VCAN: variants seen among roughly 807,000 people sequenced by gnomAD.
VCAN encodes the protein versican core protein.
In VCAN, 44 loss-of-function variants were observed where a neutral mutation model predicts 245.5. That is an observed-to-expected ratio of 0.18 (90% CI 0.14 to 0.23). VCAN has a LOEUF of 0.23. Ranked by LOEUF, VCAN falls within the 10% of genes least tolerant of loss-of-function variation. The pLI, the probability that VCAN is intolerant of heterozygous loss-of-function variation, is 1.00. For synonymous variants in VCAN, 1,413 were observed against 1,437.0 expected (o/e 0.98, Z 0.38); for missense variants, 3,793 against 4,057.9 (o/e 0.93, Z 1.77).
At chr5:83,565,390 GGTGTGT>G (rs6149088) in intron 12 of VCAN, among the ~76,000 whole-genome samples, 42,800 of 149,076 alleles carry the variant, frequency 0.29, 6,225 homozygotes, top group Admixed American at 0.4. Context: ...TATGTGTAAG[GGTGTGT>G]GTGTGTGTGT....
chr5:83,514,791 T>A lies in VCAN; in HGVS notation c.1042+2395T>A, dbSNP rs956845245. On this transcript the variant is annotated intron_variant, in intron 6 of 14. Transcript: ENST00000265077. ...TATTTTTAAAGAATTTGAAAAATAT[T>A]TTCAAAATGACTTAATTGATGTCCA... 2.6e-5 allele frequency among the ~76,000 whole-genome samples: 4 copies of A among 152,262 alleles called. No individual in the cohort carries two copies. In the East Asian group the frequency reaches 7.7e-4, roughly 29 times the overall value.
chr5:83,511,977 A>G, intron 5 of VCAN, 126 bp from the exon 6 acceptor site: 1 of 1,193,830 alleles, frequency 8.4e-7, no homozygotes, highest in Non-Finnish European at 1.2e-6. Context: ...TTAAAGTATC[A>G]GAAGCTGCTA....
In VCAN at chr5:83,545,633, G is replaced by A. The variant is rs944196924; in HGVS notation, c.9362G>A (p.Gly3121Glu). ...TGCACCTGTGTGCCAGGATACAGCG[G>A]AGACCAGTGTGAACTTGGTAAGATG... ...YVCTCVPGYS[G>E]DQCELDFDEC... Residue 3121 changes from glycine to glutamate, a missense_variant, in exon 9 of 15, where the codon GGA becomes GAA. Transcript: ENST00000265077. The A allele has an allele frequency of 2.5e-6, 4 of 1,614,092 alleles. No individual in the cohort carries two copies. Among genetic ancestry groups the A allele is most frequent in the African/African-American group, 1.3e-5 (1 of 75,058 alleles).
intron 5 of VCAN, among the ~76,000 whole-genome samples, chr5:83,511,573 T>C (rs73146700): frequency 8.6e-5 from 13 of 150,982 alleles, no homozygotes; most frequent in Non-Finnish European, 1.8e-4. Context: ...TTTTCTTATT[T>C]TTTTTTTTTT....
chr5:83,516,076 C>CA (rs1252085668), intron 6 of VCAN, among the ~76,000 whole-genome samples: 9 of 152,212 alleles, frequency 5.9e-5, no homozygotes, highest in African/African-American at 1.7e-4. Flanking sequence ...ACTAAAAATA[C>CA]AAAAAATTAG....
intron 12 of VCAN, among the ~76,000 whole-genome samples, chr5:83,566,597 G>T (rs772736426): frequency 2.0e-5 from 3 of 151,818 alleles, no homozygotes; most frequent in Non-Finnish European, 2.9e-5. Context: ...TTTTTTCCTG[G>T]TATGTTGACT....
At chr5:83,472,570 G>A (rs982535050) in intron 1 of VCAN, among the ~76,000 whole-genome samples, 1 of 152,150 alleles carries the variant, frequency 6.6e-6, no homozygotes, top group African/African-American at 2.4e-5. Context: ...CTGACAGTGC[G>A]ACCCGGCGCC....
chr5:83,546,855 T>A (rs1747248029), intron 9 of VCAN, among the ~76,000 whole-genome samples: 1 of 152,222 alleles, frequency 6.6e-6, no homozygotes, highest in Non-Finnish European at 1.5e-5. Context: ...GCTTTGTATA[T>A]TCATTTAAAA....
intron 13 of VCAN, among the ~76,000 whole-genome samples, chr5:83,579,431 T>C (rs1748590349): frequency 6.6e-6 from 1 of 151,946 alleles, no homozygotes; most frequent in African/African-American, 2.4e-5. Context: ...GCCTGGCTAA[T>C]TTTTTGTATT....
chr5:83,525,646 G>A (rs1207314562), intron 7 of VCAN, among the ~76,000 whole-genome samples: 3 of 152,092 alleles, frequency 2.0e-5, no homozygotes, highest in African/African-American at 7.2e-5. Flanking sequence ...AGGCCTGCTT[G>A]ATGCTGTCTT....
chr5:83,555,403 C>T (rs531541003), intron 12 of VCAN, among the ~76,000 whole-genome samples: 5 of 152,272 alleles, frequency 3.3e-5, no homozygotes, highest in Non-Finnish European at 5.9e-5. Context: ...AAAAAAATAC[C>T]TTTCCGTCTT....
intron 1 of VCAN, among the ~76,000 whole-genome samples, chr5:83,474,279 A>G (rs1744303141): frequency 6.6e-6 from 1 of 152,074 alleles, no homozygotes; most frequent in African/African-American, 2.4e-5. Flanking sequence ...GGAGGGGAGG[A>G]AAAGGAGAAA....
chr5:83,563,807 A>G (rs899821684), intron 12 of VCAN, among the ~76,000 whole-genome samples: 1 of 152,094 alleles, frequency 6.6e-6, no homozygotes, highest in African/African-American at 2.4e-5. Flanking sequence ...ATCTAGATAA[A>G]TTTTTACGGA....
Position 83,540,486 on chromosome 5 carries a change from C to A in VCAN, c.7483C>A (p.Gln2495Lys). The A allele has an allele frequency of 6.2e-7, 1 of 1,613,892 alleles. No individual in the cohort carries two copies. Among genetic ancestry groups the A allele is most frequent in the Non-Finnish European group, 8.5e-7 (1 of 1,179,922 alleles). ...VSVMLPLHSE[Q>K]NKSSPDPTST... is the part of the protein sequence containing the mutation. ...AGTGATGCTGCCTCTTCATTCAGAG[C>A]AGAACAAAAGCTCCCCTGATCCAAC... Residue 2495 changes from glutamine (Q) to lysine (K), a missense_variant, in exon 8 of 15, where the codon CAG becomes AAG. By Grantham distance (53) the Gln-to-Lys change is moderately conservative. Transcript: ENST00000265077.
Position 83,522,159 on chromosome 5 carries a change from C to G in VCAN, c.3853C>G (p.Pro1285Ala). ...TAGAGAGTATTTCACGACTTCAAGTCCTCCTGCTACACAGCCAACAAGACC... is the reference window on the plus strand; with the variant it reads ...TAGAGAGTATTTCACGACTTCAAGTGCTCCTGCTACACAGCCAACAAGACC... Reference protein sequence around the residue: ...IDREYFTTSSPPATQPTRPPT... With the variant: ...IDREYFTTSSAPATQPTRPPT... The change falls in exon 7 of 15, where the codon CCT (proline) becomes GCT (alanine). Residue 1285 changes from proline to alanine, a missense_variant. Physicochemically the swap from Pro to Ala is conservative, Grantham distance 27 (BLOSUM62 -1). This residue lies in a region of VCAN where 3,182 missense variants were observed against 3,250.3 expected (regional missense o/e 0.98). Transcript: ENST00000265077. 6.2e-7 allele frequency: 1 copy of G among 1,610,882 alleles called. No individual in the cohort carries two copies. Among genetic ancestry groups the G allele is most frequent in the Non-Finnish European group, 8.5e-7 (1 of 1,179,988 alleles).
chr5:83,570,825 CTTT>C lies in VCAN; in HGVS notation c.9736-1578_9736-1576del, dbSNP rs5869186. On this transcript the variant is annotated intron_variant, in intron 12 of 14. Coordinates refer to ENST00000265077, the MANE Select transcript of VCAN (RefSeq NM_004385.5). ...AGGTAGTAGAGTAATTGGACCTTCC[CTTT>C]TTTTTTTTTTTTAATTTTTGCATTC... is the stretch of plus-strand genomic sequence containing the variant. Among the ~76,000 whole-genome samples, 264 of 145,984 alleles carry C rather than the reference CTTT, an allele frequency of 1.8e-3. 1 individual carries two copies. Among genetic ancestry groups the C allele is most frequent in the African/African-American group, 5.9e-3 (234 of 39,810 alleles).
chr5:83,498,797 A>T (rs1745243619), intron 5 of VCAN, among the ~76,000 whole-genome samples: 1 of 152,198 alleles, frequency 6.6e-6, no homozygotes, highest in Admixed American at 6.5e-5. Context: ...AATAGTCCCC[A>T]TCACTTTAAG....
intron 7 of VCAN, among the ~76,000 whole-genome samples, chr5:83,525,905 G>T (rs1354767886): frequency 6.6e-6 from 1 of 152,026 alleles, no homozygotes; most frequent in Non-Finnish European, 1.5e-5. Context: ...AGCCATCTGG[G>T]CAGATACCCA....
rs116424359 is a variant in VCAN at position 83,547,782 on chromosome 5, A to G, written c.9380-189A>G. Among the ~76,000 whole-genome samples the G allele has an allele frequency of 1.7e-3, 255 of 152,358 alleles. 1 individual carries two copies. Among genetic ancestry groups the G allele is most frequent in the African/African-American group, 5.9e-3 (244 of 41,590 alleles). On this transcript the variant is annotated intron_variant, in intron 9 of 14. Coordinates refer to ENST00000265077, the MANE Select transcript of VCAN (RefSeq NM_004385.5). ...TATTTGAGTTTCAAGTAAAAACGAA[A>G]TAACTTTGTAGTATAGGTTTGCCCT...
Sources: gnomAD v4.1 joint callset for allele counts (sites outside exome capture counted in the v4.1 genomes callset) on GRCh38, gnomAD v4.1.1 for gene constraint, gnomAD v4.1.1 regional missense constraint, MANE v1.5 for transcripts, NCBI Gene and HGNC (gene_info 2026-07-23, HGNC 2026-07-21) for gene names.